Variants in PSG3 observed in about 807,000 individuals in gnomAD.
PSG3 encodes pregnancy-specific beta-1-glycoprotein 3.
In PSG3, 61 loss-of-function variants were observed where a neutral mutation model predicts 47.5. The observed-to-expected ratio is 1.28, with a 90% CI of 1.05 to 1.59. The LOEUF is 1.59. Ranked by LOEUF, PSG3 falls within the 40% of genes most tolerant of loss-of-function variation. The pLI, the probability that PSG3 is intolerant of heterozygous loss-of-function variation, is 0.00. For synonymous variants in PSG3, 263 were observed against 198.4 expected (o/e 1.33, Z -2.74); for missense variants, 756 against 524.0 (o/e 1.44, Z -4.32).
intron 3 of PSG3, chr19:42,732,524 G>T: frequency 1.2e-6 from 1 of 838,782 alleles, no homozygotes; most frequent in Non-Finnish European, 1.8e-6. Flanking sequence ...TCACTGATCT[G>T]GAGCCTGAGA....
chr19:42,735,645 G>A (rs1412755101), intron 2 of PSG3, among the ~76,000 whole-genome samples: 1 of 152,244 alleles, frequency 6.6e-6, no homozygotes, highest in East Asian at 1.9e-4. Flanking sequence ...ATAGGCATGA[G>A]CCACTGTGCC....
At chr19:42,738,241 C>G (rs1409154108) in intron 2 of PSG3, among the ~76,000 whole-genome samples, 1 of 152,218 alleles carries the variant, frequency 6.6e-6, no homozygotes, top group Non-Finnish European at 1.5e-5. Flanking sequence ...CTGGTAAATC[C>G]TTGGTCCCAG....
At chr19:42,725,303 A>G (rs1361316202) in intron 5 of PSG3, among the ~76,000 whole-genome samples, 1 of 152,360 alleles carries the variant, frequency 6.6e-6, no homozygotes, top group East Asian at 1.9e-4. Flanking sequence ...GTAAACTCTT[A>G]CATTAAAAAA....
At chr19:42,729,638 G>T (rs1969437389) in intron 4 of PSG3, 140 bp downstream of exon 4, 1 of 1,529,054 alleles carries the variant, frequency 6.5e-7, no homozygotes, top group African/African-American at 1.4e-5. Context: ...GATCTTCCCA[G>T]GGCAGGAAGT....
chr19:42,721,961 G>C lies in PSG3; in HGVS notation c.*170C>G. The C allele has an allele frequency of 2.4e-6, 1 of 416,224 alleles. No individual in the cohort carries two copies. Among genetic ancestry groups the C allele is most frequent in the Non-Finnish European group, 4.4e-6 (1 of 226,838 alleles). The allele number at this position is 416,224 out of a possible 1,614,324, so 25.8% of individuals were successfully genotyped here. A position where few individuals can be genotyped will look rare whatever the true frequency, so the allele number is the denominator to read the frequency against. ...TTGAAAGTTCTTAGTCCAGTGGTATGATCTTGAAGTTATCAGGAACTTGTA... is the reference window on the plus strand; with the variant it reads ...TTGAAAGTTCTTAGTCCAGTGGTATCATCTTGAAGTTATCAGGAACTTGTA... On this transcript the variant is annotated 3_prime_UTR_variant, in exon 7 of 7. Transcript: ENST00000327495.
chr19:42,732,703 G>C, intron 3 of PSG3, 81 bp downstream of exon 3: 1 of 1,614,002 alleles, frequency 6.2e-7, no homozygotes, highest in East Asian at 2.2e-5. Context: ...ACTTGGACCT[G>C]AGAGGGACTG....
chr19:42,736,150 G>A (rs1391719018), intron 2 of PSG3, among the ~76,000 whole-genome samples: 1 of 152,196 alleles, frequency 6.6e-6, no homozygotes, highest in Non-Finnish European at 1.5e-5. Flanking sequence ...GATTATAGGA[G>A]GGAACTGAAT....
At chr19:42,725,890 CAAAAAAA>C (rs200684147) in intron 5 of PSG3, among the ~76,000 whole-genome samples, 1 of 68,054 alleles carries the variant, frequency 1.5e-5, no homozygotes, top group Non-Finnish European at 2.8e-5. Flanking sequence ...CAACAACAAC[CAAAAAAA>C]AAAAAAAAAA....
chr19:42,734,592 G>C (rs1336277979), intron 2 of PSG3, among the ~76,000 whole-genome samples: 1 of 152,152 alleles, frequency 6.6e-6, no homozygotes, highest in African/African-American at 2.4e-5. Flanking sequence ...AAGATCAATT[G>C]CTGGTAGTAG....
rs559159454 is a variant in PSG3 at position 42,739,366 on chromosome 19, G to A, written c.65-277C>T. ...AATCCTCTTCCCCAGGGGTCCGCAC[G>A]GCCCCCTCCACACTGCCCTCAGGTC... On this transcript the variant is annotated intron_variant, in intron 1 of 6. Transcript: ENST00000327495. The A allele has an allele frequency of 2.0e-4, 91 of 460,860 alleles. 2 individuals carry two copies. The South Asian group carries it at 2.0e-3, about 10-fold the overall frequency. 28.5% of individuals were successfully genotyped at this position (460,860 alleles called of 1,614,324 possible). A position where few individuals can be genotyped will look rare whatever the true frequency, so the allele number is the denominator to read the frequency against.
intron 3 of PSG3, among the ~76,000 whole-genome samples, chr19:42,730,638 T>A (rs1969458160): frequency 6.6e-6 from 1 of 152,114 alleles, no homozygotes; most frequent in African/African-American, 2.4e-5. Flanking sequence ...CAGTGGAGGC[T>A]CAAGGTGGGG....
chr19:42,736,942 G>C (rs1969574510), intron 2 of PSG3, among the ~76,000 whole-genome samples: 1 of 152,166 alleles, frequency 6.6e-6, no homozygotes, highest in Non-Finnish European at 1.5e-5. Flanking sequence ...CCTAGTTAGA[G>C]GGAGTGTCTG....
rs748444005 is a variant in PSG3, at chr19:42,738,736, A to T, written c.418T>A (p.Phe140Ile). 1.6e-5 allele frequency: 26 copies of T among 1,613,762 alleles called. No individual in the cohort carries two copies. The highest frequency in any genetic ancestry group is 2.1e-5 in the Non-Finnish European group (25 of 1,179,832). The part of the protein sequence containing the change: ...GTRGETGHFT[F>I]TLYLETPKPS... ...TGGAGTCACTCACGGTATAAGGTGA[A>T]GGTGAAATGTCCAGTTTCTCCTCTA... The change falls in exon 2 of 7, where the codon TTC becomes ATC. Residue 140 changes from phenylalanine to isoleucine, a missense_variant. By Grantham distance (21) the Phe-to-Ile change is conservative (BLOSUM62 0). Coordinates refer to ENST00000327495, the MANE Select transcript of PSG3 (RefSeq NM_021016.4).
In PSG3 at chr19:42,738,764, C is replaced by G. The variant is rs772531077; in HGVS notation, c.390G>C (p.Gly130=). Reference sequence around the variant, plus strand: ...TGAAATGTCCAGTTTCTCCTCTAGTCCCATCACCTCGCTTTACGATGTGTA... The same window carrying G: ...TGAAATGTCCAGTTTCTCCTCTAGTGCCATCACCTCGCTTTACGATGTGTA... The part of the protein sequence containing the change: ...YTLHIVKRGD[G]TRGETGHFTF... The change falls in exon 2 of 7, where the codon GGG becomes GGC. Residue 130 remains glycine (G), a synonymous_variant. Coordinates refer to ENST00000327495, the MANE Select transcript of PSG3 (RefSeq NM_021016.4). 1.2e-6 allele frequency: 2 copies of G among 1,614,028 alleles called. No individual in the cohort carries two copies. The highest frequency in any genetic ancestry group is 8.5e-7 in the Non-Finnish European group (1 of 1,179,914).
In PSG3 at chr19:42,740,307, A is replaced by G. The variant is rs373921291; in HGVS notation, c.64+14T>C. The G allele has an allele frequency of 9.9e-5, 160 of 1,613,660 alleles. No homozygotes were observed. The highest frequency in any genetic ancestry group is 4.9e-4 in the African/African-American group (37 of 74,844). On this transcript the variant is annotated intron_variant, in intron 1 of 6. Coordinates refer to ENST00000327495, the MANE Select transcript of PSG3 (RefSeq NM_021016.4). ...TTCCTCCTCCTGTCCTCTCCCAGGA[A>G]GTTCTCTCCTCACCTGTGAGCAGGA...
chr19:42,726,454 A>G (rs1969379398), intron 5 of PSG3, among the ~76,000 whole-genome samples: 2 of 152,232 alleles, frequency 1.3e-5, no homozygotes, highest in African/African-American at 2.4e-5. Flanking sequence ...ACAATACAAA[A>G]TCAACATTCA....
rs373457041 is a variant in PSG3 at position 42,722,527 on chromosome 19, G to T, written c.*41-437C>A. 2.4e-4 allele frequency among the ~76,000 whole-genome samples: 37 copies of T among 152,290 alleles called. 1 individual carries two copies. Among genetic ancestry groups the T allele is most frequent in the Admixed American group, 8.5e-4 (13 of 15,294 alleles). ...CCTCGGCCTCCCAAAGTGCTGGGAT[G>T]ACAGGCGTGAGCCATCGCACCCAGC... is the stretch of plus-strand genomic sequence containing the variant. On this transcript the variant is annotated intron_variant, in intron 6 of 6. Coordinates refer to ENST00000327495, the MANE Select transcript of PSG3 (RefSeq NM_021016.4).
intron 5 of PSG3, among the ~76,000 whole-genome samples, chr19:42,727,598 C>T (rs59899391): frequency 0.011 from 1,667 of 152,138 alleles, 33 homozygotes; most frequent in African/African-American, 0.039. Flanking sequence ...TGATAAACAA[C>T]AACAATGACA....
In PSG3 at chr19:42,738,843, T is replaced by C. The variant is rs763826179; in HGVS notation, c.311A>G (p.Asn104Ser). The stretch of plus-strand genomic sequence containing the variant: ...GACATTCTGGATCAGCAGGGATGCA[T>C]TGGAATATACTGTTTCTCGTCCACT... ...AYSGRETVYS[N>S]ASLLIQNVTR... Residue 104 changes from asparagine to serine, a missense_variant, in exon 2 of 7, where the codon AAT (asparagine) becomes AGT (serine). Coordinates refer to ENST00000327495, the MANE Select transcript of PSG3 (RefSeq NM_021016.4). The C allele has an allele frequency of 5.0e-5, 80 of 1,614,002 alleles. No individual in the cohort carries two copies. Among genetic ancestry groups the C allele is most frequent in the Admixed American group, 4.7e-4 (28 of 60,002 alleles).
Sources: gnomAD v4.1 joint callset for allele counts (sites outside exome capture counted in the v4.1 genomes callset) on GRCh38, gnomAD v4.1.1 for gene constraint, MANE v1.5 for transcripts, NCBI Gene and HGNC (gene_info 2026-07-23, HGNC 2026-07-21) for gene names.